Variants in ZNF704 observed in about 807,000 individuals in gnomAD.
ZNF704 encodes glucocorticoid induced gene 1.
ZNF704 carries 10 observed loss-of-function variants against 44.7 expected under a neutral mutation model. That is an observed-to-expected ratio of 0.22 (90% CI 0.14 to 0.38). The LOEUF is 0.38. ZNF704 is among the 10% of genes least tolerant of loss of function. The pLI is 1.00. For missense variants in ZNF704, 390 were observed against 545.5 expected (o/e 0.71, Z 2.84); for synonymous variants, 211 against 207.6 (o/e 1.02, Z -0.14).
intron 2 of ZNF704, among the ~76,000 whole-genome samples, chr8:80,714,788 A>C (rs1231129922): frequency 6.6e-6 from 1 of 152,146 alleles, no homozygotes; most frequent in Non-Finnish European, 1.5e-5. Context: ...GGCGGCGGTA[A>C]GTTGGGGAGA....
At chr8:80,827,463 G>C (rs994759168) in intron 1 of ZNF704, among the ~76,000 whole-genome samples, 1 of 152,122 alleles carries the variant, frequency 6.6e-6, no homozygotes, top group Non-Finnish European at 1.5e-5. Flanking sequence ...TCATGGATAG[G>C]AAGAATCAAT....
intron 7 of ZNF704, among the ~76,000 whole-genome samples, chr8:80,650,183 C>A (rs996860028): frequency 6.6e-5 from 10 of 151,652 alleles, no homozygotes; most frequent in African/African-American, 2.4e-4. Context: ...CATCAAAGAC[C>A]AAAGGTAGAT....
intron 1 of ZNF704, among the ~76,000 whole-genome samples, chr8:80,869,116 G>A (rs528762843): frequency 2.6e-5 from 4 of 152,274 alleles, no homozygotes; most frequent in South Asian, 2.1e-4. Context: ...TGCCTGACTC[G>A]AGGATATGTA....
chr8:80,808,003 G>A (rs754677769), intron 2 of ZNF704, among the ~76,000 whole-genome samples: 1 of 152,102 alleles, frequency 6.6e-6, no homozygotes, highest in South Asian at 2.1e-4. Flanking sequence ...CACCAGCTTC[G>A]GACAAACAGT....
intron 4 of ZNF704, chr8:80,673,256 T>C (rs929376576): frequency 6.6e-6 from 1 of 152,208 alleles, no homozygotes; most frequent in African/African-American, 2.4e-5. Flanking sequence ...ATTCTGTGTA[T>C]CCATTTGGGG....
intron 2 of ZNF704, among the ~76,000 whole-genome samples, chr8:80,713,032 A>T (rs1261525524): frequency 1.3e-5 from 2 of 151,914 alleles, no homozygotes; most frequent in Non-Finnish European, 1.5e-5. Context: ...AGTAGCTGGG[A>T]TTACAGGCAC....
chr8:80,884,283 C>A, the ZNF704 span, among the ~76,000 whole-genome samples: 2 of 152,174 alleles, frequency 1.3e-5, no homozygotes, highest in African/African-American at 4.8e-5. Flanking sequence ...CCTTGATTAC[C>A]TTCCATTTCT....
chr8:80,762,535 C>T (rs75852360), intron 2 of ZNF704, among the ~76,000 whole-genome samples: 7,037 of 152,166 alleles, frequency 0.046, 577 homozygotes, highest in African/African-American at 0.16. Context: ...GGAAACTGGT[C>T]CCATTATCTA....
intron 2 of ZNF704, among the ~76,000 whole-genome samples, chr8:80,762,739 A>G (rs1807153255): frequency 6.6e-6 from 1 of 152,192 alleles, no homozygotes; most frequent in South Asian, 2.1e-4. Context: ...GTCTTAAGTC[A>G]TTCAAGCATT....
chr8:80,790,701 T>A (rs1807689797), intron 2 of ZNF704, among the ~76,000 whole-genome samples: 1 of 151,938 alleles, frequency 6.6e-6, no homozygotes, highest in African/African-American at 2.4e-5. Flanking sequence ...GGTGAGATGG[T>A]GACACACAGA....
At chr8:80,723,720 T>C (rs988347215) in intron 2 of ZNF704, among the ~76,000 whole-genome samples, 6 of 152,214 alleles carry the variant, frequency 3.9e-5, no homozygotes, top group Admixed American at 6.5e-5. Context: ...AAATCTAAGA[T>C]GTCAACTTTA....
chr8:80,769,941 T>C (rs1807291534), intron 2 of ZNF704, among the ~76,000 whole-genome samples: 1 of 152,138 alleles, frequency 6.6e-6, no homozygotes, highest in Non-Finnish European at 1.5e-5. Flanking sequence ...GATTTACAGT[T>C]CCACGTGGCT....
intron 2 of ZNF704, among the ~76,000 whole-genome samples, chr8:80,721,910 G>A (rs1293022824): frequency 6.6e-6 from 1 of 152,136 alleles, no homozygotes; most frequent in Non-Finnish European, 1.5e-5. Flanking sequence ...TTTTAGAGGA[G>A]AGGCTTACTT....
chr8:80,798,079 T>G (rs1170673420), intron 2 of ZNF704, among the ~76,000 whole-genome samples: 1 of 152,134 alleles, frequency 6.6e-6, no homozygotes, highest in Non-Finnish European at 1.5e-5. Context: ...TTTTTAAAAT[T>G]TTTAATTTTT....
At chr8:80,655,040 A>G (rs1032150250) in intron 7 of ZNF704, among the ~76,000 whole-genome samples, 1 of 152,194 alleles carries the variant, frequency 6.6e-6, no homozygotes, top group African/African-American at 2.4e-5. Flanking sequence ...TGTCCTTTGT[A>G]GGGACATGGA....
chr8:80,659,734 C>T, intron 6 of ZNF704, 45 bp from the exon 7 acceptor site: 2 of 1,564,592 alleles, frequency 1.3e-6, no homozygotes, highest in South Asian at 2.2e-5. Flanking sequence ...GGAATATTTT[C>T]CTTCGGAGCT....
rs139390250 is a variant in ZNF704, at chr8:80,840,324, T to C, written c.-21-18709A>G. 2.7e-4 allele frequency among the ~76,000 whole-genome samples: 41 copies of C among 152,284 alleles called. 1 individual carries two copies. The South Asian group carries it at 3.1e-3, about 12-fold the overall frequency. On this transcript the variant is annotated intron_variant, in intron 1 of 8. Coordinates refer to ENST00000327835, the MANE Select transcript of ZNF704 (RefSeq NM_001033723.3). ...GAAATTGTGTGCGTGTGTGTGTGTG[T>C]GCGCGTGTGTTTTTATTTTAGCTCA...
Position 80,742,439 on chromosome 8 carries a change from T to C in ZNF704, c.222-49332A>G, listed in dbSNP as rs1585995066. 2.0e-5 allele frequency among the ~76,000 whole-genome samples: 3 copies of C among 152,214 alleles called. No individual in the cohort carries two copies. The South Asian group carries it at 6.2e-4, about 32-fold the overall frequency. ...ACCACACCTTTCACTTAGGCATTGA[T>C]AGCACCCATCAGATGGCCAAATCAT... On this transcript the variant is annotated intron_variant, in intron 2 of 8. Coordinates refer to ENST00000327835, the MANE Select transcript of ZNF704 (RefSeq NM_001033723.3).
chr8:80,844,770 C>T (rs143246733), intron 1 of ZNF704, among the ~76,000 whole-genome samples: 243 of 152,160 alleles, frequency 1.6e-3, no homozygotes, highest in African/African-American at 5.6e-3. Context: ...TAGAGACAAT[C>T]AAAAGTTATA....
Sources: allele counts gnomAD v4.1 joint callset (sites outside exome capture counted in the v4.1 genomes callset), GRCh38; gene constraint gnomAD v4.1.1; transcripts MANE v1.5; gene names NCBI Gene and HGNC (gene_info 2026-07-23, HGNC 2026-07-21).